The following PSEN1 variants were observed in gnomAD, a reference collection of about 807,000 sequenced individuals.
The protein encoded by PSEN1 is presenilin 1.
In PSEN1, 15 loss-of-function variants were observed where a neutral mutation model predicts 53.5. That is an observed-to-expected ratio of 0.28 (90% CI 0.19 to 0.43). The LOEUF (loss-of-function observed/expected upper bound fraction) is 0.43, where lower values mean the gene tolerates loss of function less well. Among genes scored for constraint, PSEN1 ranks in the 20% least tolerant of loss-of-function variants. The pLI is 1.00. For synonymous variants in PSEN1, 208 were observed against 209.8 expected, an observed-to-expected ratio of 0.99 and a Z score of 0.08; for missense variants, 387 against 571.2, an observed-to-expected ratio of 0.68 and a Z score of 3.29.
At chr14:73,167,189 AAG>A (rs2140027070) in intron 3 of PSEN1, among the ~76,000 whole-genome samples, 1 of 152,306 alleles carries the variant, frequency 6.6e-6, no homozygotes, top group Admixed American at 6.5e-5. Flanking sequence ...ACAGAACGGC[AAG>A]AGAGAGCTTG....
At chr14:73,145,113 G>A (rs1421885226) in intron 1 of PSEN1, among the ~76,000 whole-genome samples, 3 of 152,040 alleles carry the variant, frequency 2.0e-5, no homozygotes, top group Non-Finnish European at 4.4e-5. Context: ...GGCTGGTCTC[G>A]AACTCCTGGC....
chr14:73,211,666 C>A, intron 9 of PSEN1, 103 bp from the exon 10 acceptor site: 1 of 1,276,292 alleles, frequency 7.8e-7, no homozygotes. Flanking sequence ...GGTTTAAGGG[C>A]CAGCTAGTTA....
intron 5 of PSEN1, among the ~76,000 whole-genome samples, chr14:73,177,462 G>C (rs1468941499): frequency 6.6e-6 from 1 of 152,272 alleles, no homozygotes; most frequent in East Asian, 1.9e-4. Flanking sequence ...AGAGTGCTAG[G>C]ATTACAGGCG....
At chr14:73,136,650 C>G (rs1896751069) in intron 1 of PSEN1, 67 bp downstream of exon 1, 1 of 152,182 alleles carries the variant, frequency 6.6e-6, no homozygotes, top group South Asian at 2.1e-4. Context: ...GGGCAGGGCC[C>G]GGCCCTTTGT....
chr14:73,156,349 C>T (rs775607010), intron 3 of PSEN1, among the ~76,000 whole-genome samples: 4 of 150,972 alleles, frequency 2.6e-5, no homozygotes, highest in African/African-American at 4.9e-5. Context: ...CAGCCAGACT[C>T]GGTCTCAAAA....
chr14:73,204,117 G>T (rs1899346738), intron 8 of PSEN1, among the ~76,000 whole-genome samples: 1 of 152,082 alleles, frequency 6.6e-6, no homozygotes, highest in South Asian at 2.1e-4. Context: ...TCCTGCCTCA[G>T]CCTCCCGAGT....
At chr14:73,149,373 A>G (rs1002132676) in intron 3 of PSEN1, among the ~76,000 whole-genome samples, 1 of 151,462 alleles carries the variant, frequency 6.6e-6, no homozygotes, top group East Asian at 1.9e-4. Context: ...GCTGCCTTGT[A>G]GGCTTGTGTG....
intron 3 of PSEN1, among the ~76,000 whole-genome samples, chr14:73,156,763 C>T (rs954894845): frequency 8.0e-5 from 12 of 150,912 alleles, no homozygotes; most frequent in African/African-American, 2.9e-4. Flanking sequence ...CCCAGGTTCA[C>T]GCCATTCTCC....
chr14:73,170,453 C>T (rs920029179), intron 3 of PSEN1, among the ~76,000 whole-genome samples: 2 of 152,126 alleles, frequency 1.3e-5, no homozygotes, highest in Admixed American at 6.5e-5. Context: ...TCACAGAAAG[C>T]TGAATTTGAA....
intron 3 of PSEN1, among the ~76,000 whole-genome samples, chr14:73,160,969 C>CTTTTT (rs552718246): frequency 6.5e-5 from 6 of 91,652 alleles, no homozygotes; most frequent in Non-Finnish European, 1.1e-4. Flanking sequence ...ATATGATTTG[C>CTTTTT]TTTTTTTTTT....
intron 10 of PSEN1, among the ~76,000 whole-genome samples, chr14:73,215,085 C>T (rs1253977219): frequency 1.3e-5 from 2 of 151,992 alleles, no homozygotes; most frequent in African/African-American, 2.4e-5. Context: ...CTCAGCCTCC[C>T]GAGTAGCTGG....
intron 5 of PSEN1, among the ~76,000 whole-genome samples, chr14:73,179,963 A>G (rs1372627950): frequency 4.6e-5 from 7 of 151,912 alleles, no homozygotes; most frequent in Admixed American, 4.6e-4. Flanking sequence ...GCATTTGTAC[A>G]TCTTTTATCC....
intron 7 of PSEN1, among the ~76,000 whole-genome samples, chr14:73,193,567 A>C (rs1209364523): frequency 7.1e-6 from 1 of 140,240 alleles, no homozygotes; most frequent in Non-Finnish European, 1.6e-5. Context: ...AAAAAAAAGC[A>C]AAAAAAAAAA....
intron 1 of PSEN1, chr14:73,138,148 A>G (rs758812568): frequency 3.3e-5 from 5 of 151,626 alleles, no homozygotes; most frequent in Non-Finnish European, 7.4e-5. Context: ...TGGGAGAACC[A>G]CAAGGTGATT....
At chr14:73,201,478 AAG>A (rs1441499144) in intron 8 of PSEN1, among the ~76,000 whole-genome samples, 1 of 152,240 alleles carries the variant, frequency 6.6e-6, no homozygotes, top group African/African-American at 2.4e-5. Context: ...AGTGACATTG[AAG>A]AGAGCAGTTT....
In PSEN1 at chr14:73,217,236, A is replaced by T. The variant is rs777734426; in HGVS notation, c.1240A>T (p.Ile414Leu). 1 of 1,614,140 alleles carries T rather than the reference A, an allele frequency of 6.2e-7. No homozygotes were observed. The highest frequency in any genetic ancestry group is 1.1e-5 in the South Asian group (1 of 91,084). Residue 414 changes from isoleucine (I) to leucine (L), a missense_variant, in exon 11 of 12, where the codon ATA (isoleucine) becomes TTA (leucine). By Grantham distance (5) the Ile-to-Leu change is conservative. Transcript: ENST00000324501. ...WNTTIACFVA[I>L]LIGLCLTLLL... is the part of the protein sequence containing the mutation. Reference sequence around the variant, plus strand: ...CACAACCATAGCCTGTTTCGTAGCCATATTAATTGTAAGTATACACTAATA... The same window carrying T: ...CACAACCATAGCCTGTTTCGTAGCCTTATTAATTGTAAGTATACACTAATA...
chr14:73,196,906 A>G (rs1898969183), intron 7 of PSEN1, among the ~76,000 whole-genome samples: 1 of 150,114 alleles, frequency 6.7e-6, no homozygotes, highest in South Asian at 2.1e-4. Context: ...TTATATTTTT[A>G]TATTCTGAAT....
chr14:73,218,651 T>A (rs1900022381), intron 11 of PSEN1, among the ~76,000 whole-genome samples: 1 of 150,782 alleles, frequency 6.6e-6, no homozygotes, highest in South Asian at 2.1e-4. Context: ...CCACACAGCA[T>A]AAAGAATGCT....
intron 5 of PSEN1, among the ~76,000 whole-genome samples, chr14:73,183,538 A>G (rs1252750849): frequency 6.6e-5 from 10 of 152,162 alleles, no homozygotes; most frequent in African/African-American, 2.2e-4. Context: ...GTTTAACAAA[A>G]CACATCTTGC....
Sources: allele counts gnomAD v4.1 joint callset (sites outside exome capture counted in the v4.1 genomes callset), GRCh38; gene constraint gnomAD v4.1.1; transcripts MANE v1.5; gene names NCBI Gene and HGNC (gene_info 2026-07-23, HGNC 2026-07-21).